The following HNF4G variants were observed in gnomAD, a reference collection of about 807,000 sequenced individuals.
HNF4G encodes hepatocyte nuclear factor 4 gamma, also known as hepatocyte nuclear factor 4-gamma.
Under a neutral mutation model 50.9 loss-of-function variants are expected in HNF4G, and 21 were observed. That is an observed-to-expected ratio of 0.41 (90% CI 0.29 to 0.59). The LOEUF (loss-of-function observed/expected upper bound fraction) is 0.59, where lower values mean the gene tolerates loss of function less well. Among genes scored for constraint, HNF4G ranks in the 20% least tolerant of loss-of-function variants. The pLI, the probability that HNF4G is intolerant of heterozygous loss-of-function variation, is 0.26. For synonymous variants in HNF4G, 198 were observed against 185.6 expected (o/e 1.07, Z -0.54); for missense variants, 527 against 559.4 (o/e 0.94, Z 0.58).
intron 1 of HNF4G, among the ~76,000 whole-genome samples, chr8:75,479,384 A>G (rs1329407485): frequency 6.6e-6 from 1 of 152,196 alleles, no homozygotes; most frequent in Non-Finnish European, 1.5e-5. Flanking sequence ...CAAGTGAATC[A>G]TCTTTAGGAG....
intron 1 of HNF4G, among the ~76,000 whole-genome samples, chr8:75,410,723 T>C (rs1270788142): frequency 6.6e-6 from 1 of 152,238 alleles, no homozygotes; most frequent in Non-Finnish European, 1.5e-5. Flanking sequence ...TGAGGTGTTA[T>C]AGCTCTGGGT....
chr8:75,552,890 T>G, intron 4 of HNF4G, 152 bp from the exon 5 acceptor site: 1 of 531,506 alleles, frequency 1.9e-6, no homozygotes, highest in Non-Finnish European at 3.3e-6. Flanking sequence ...GTATTTCATT[T>G]TTCAATTTAA....
chr8:75,500,084 C>A (rs1452887080), intron 2 of HNF4G, among the ~76,000 whole-genome samples: 1 of 152,018 alleles, frequency 6.6e-6, no homozygotes, highest in Non-Finnish European at 1.5e-5. Context: ...AGTGAAGAGA[C>A]AATTCATCGA....
chr8:75,479,346 C>T (rs1812317639), intron 1 of HNF4G, among the ~76,000 whole-genome samples: 1 of 152,080 alleles, frequency 6.6e-6, no homozygotes, highest in Non-Finnish European at 1.5e-5. Flanking sequence ...GCAGATAATA[C>T]GATTTTCAAA....
intron 6 of HNF4G, 149 bp downstream of exon 6, chr8:75,556,218 T>C (rs775425675): frequency 9.1e-6 from 4 of 440,692 alleles, no homozygotes; most frequent in Admixed American, 3.8e-5. Context: ...GTGTCCTCAC[T>C]TGGCCTTATT....
At chr8:75,556,271 AATCAGGGAGCATTAAG>A (rs1807122769) in intron 6 of HNF4G, among the ~76,000 whole-genome samples, 1 of 152,122 alleles carries the variant, frequency 6.6e-6, no homozygotes, top group Admixed American at 6.6e-5. Context: ...TCCATGAGAC[AATCAGGGAGCATTAAG>A]ATTTAAAAAT....
intron 1 of HNF4G, among the ~76,000 whole-genome samples, chr8:75,469,837 C>CA (rs1304534545): frequency 6.6e-6 from 1 of 152,090 alleles, no homozygotes; most frequent in East Asian, 1.9e-4. Flanking sequence ...CAAGTCCCCT[C>CA]AGTCAATTTT....
chr8:75,520,207 T>C (rs1274437485), intron 2 of HNF4G, among the ~76,000 whole-genome samples: 2 of 152,110 alleles, frequency 1.3e-5, no homozygotes, highest in Admixed American at 1.3e-4. Context: ...TATAATTGTT[T>C]GTATAACTAA....
At chr8:75,551,319 C>A in intron 3 of HNF4G, 69 bp from the exon 4 acceptor site, 1 of 840,926 alleles carries the variant, frequency 1.2e-6, no homozygotes, top group Non-Finnish European at 1.9e-6. Flanking sequence ...AAAAAAAACT[C>A]CTTAAAATCT....
chr8:75,485,876 A>G (rs1010013866), intron 1 of HNF4G: 1 of 152,188 alleles, frequency 6.6e-6, no homozygotes, highest in African/African-American at 2.4e-5. Flanking sequence ...CTAGTTTGTT[A>G]GATAATTTTG....
upstream of HNF4G, among the ~76,000 whole-genome samples, chr8:75,539,373 T>C (rs1357238653): frequency 6.6e-6 from 1 of 152,188 alleles, no homozygotes; most frequent in East Asian, 1.9e-4. Flanking sequence ...GCTGTCAGGA[T>C]ATGTCATAAC....
At chr8:75,449,789 G>A (rs1811542618) in intron 1 of HNF4G, among the ~76,000 whole-genome samples, 1 of 152,092 alleles carries the variant, frequency 6.6e-6, no homozygotes, top group Admixed American at 6.6e-5. Flanking sequence ...TTACAGGCAT[G>A]AGCCACCGCG....
At chr8:75,562,332 G>T (rs1364982614) in intron 9 of HNF4G, among the ~76,000 whole-genome samples, 1 of 151,802 alleles carries the variant, frequency 6.6e-6, no homozygotes, top group Non-Finnish European at 1.5e-5. Context: ...GAAAGAGAAA[G>T]AAATGAAATT....
At chr8:75,552,467 A>G (rs1272328117) in intron 4 of HNF4G, among the ~76,000 whole-genome samples, 1 of 152,154 alleles carries the variant, frequency 6.6e-6, no homozygotes, top group African/African-American at 2.4e-5. Context: ...AAATTTACAA[A>G]TCTTACAAAT....
chr8:75,445,056 G>T (rs994394355), intron 1 of HNF4G, among the ~76,000 whole-genome samples: 2 of 150,092 alleles, frequency 1.3e-5, no homozygotes, highest in African/African-American at 4.9e-5. Flanking sequence ...AAATGTGAAA[G>T]AACAGAAATT....
intron 1 of HNF4G, among the ~76,000 whole-genome samples, chr8:75,462,037 C>A (rs560761214): frequency 6.6e-6 from 1 of 151,622 alleles, no homozygotes; most frequent in South Asian, 2.1e-4. Flanking sequence ...CCTGCCTCAG[C>A]CTCCCAAGTA....
intron 2 of HNF4G, among the ~76,000 whole-genome samples, chr8:75,494,674 T>A (rs1242842926): frequency 6.6e-6 from 1 of 152,030 alleles, no homozygotes; most frequent in Non-Finnish European, 1.5e-5. Flanking sequence ...ACATAATAAG[T>A]GGTCATTATT....
chr8:75,508,260 A>G (rs1383041089), intron 2 of HNF4G, among the ~76,000 whole-genome samples: 1 of 151,974 alleles, frequency 6.6e-6, no homozygotes. Flanking sequence ...TCCATGCCCT[A>G]TTTGAGAAAA....
intron 2 of HNF4G, among the ~76,000 whole-genome samples, chr8:75,494,274 G>T (rs1432671671): frequency 3.8e-5 from 5 of 131,322 alleles, no homozygotes; most frequent in Middle Eastern, 4.3e-3. Context: ...ACAGAGTAAG[G>T]AAAAAAGCTA....
Sources: gnomAD v4.1 joint callset for allele counts (sites outside exome capture counted in the v4.1 genomes callset) on GRCh38, gnomAD v4.1.1 for gene constraint, MANE v1.5 for transcripts, NCBI Gene and HGNC (gene_info 2026-07-23, HGNC 2026-07-21) for gene names.